ARHGEF10: variants seen among roughly 807,000 people sequenced by gnomAD.
ARHGEF10 encodes Rho guanine nucleotide exchange factor 10.
A neutral mutation model predicts 147.4 loss-of-function variants in ARHGEF10; 140 were observed. That is an observed-to-expected ratio of 0.95 (90% CI 0.83 to 1.09). ARHGEF10 has a LOEUF of 1.09. ARHGEF10 is among the 50% of genes least tolerant of loss of function. ARHGEF10 has a pLI of 0.00. For synonymous variants in ARHGEF10, 902 were observed against 695.8 expected (o/e 1.30, Z -4.67); for missense variants, 2,222 against 1,752.7 (o/e 1.27, Z -4.78).
At chr8:1,906,982 C>T (rs1810945038) in intron 17 of ARHGEF10, among the ~76,000 whole-genome samples, 1 of 152,216 alleles carries the variant, frequency 6.6e-6, no homozygotes, top group Non-Finnish European at 1.5e-5. Flanking sequence ...CATGGCTTGG[C>T]CTTCACTGTG....
intron 2 of ARHGEF10, among the ~76,000 whole-genome samples, chr8:1,855,136 A>G (rs76368008): frequency 0.019 from 2,952 of 152,228 alleles, 91 homozygotes; most frequent in East Asian, 0.095. Context: ...CCAACAGCTC[A>G]TGTTTCTCCC....
At chr8:1,947,369 C>T (rs1010569777) in intron 27 of ARHGEF10, among the ~76,000 whole-genome samples, 12 of 152,146 alleles carry the variant, frequency 7.9e-5, no homozygotes, top group African/African-American at 1.7e-4. Flanking sequence ...TTCAGAGTTC[C>T]GAGAGCAGCC....
intron 2 of ARHGEF10, among the ~76,000 whole-genome samples, chr8:1,847,769 C>T (rs1804671211): frequency 6.6e-6 from 1 of 152,158 alleles, no homozygotes; most frequent in African/African-American, 2.4e-5. Context: ...AACAATAGAG[C>T]TAAAACACAA....
At position 1,956,819 on chromosome 8, in the gene ARHGEF10, C is replaced by A. The variant is rs199800515; in HGVS notation, c.3591C>A (p.His1197Gln). 1 of 1,614,048 alleles carries A rather than the reference C, an allele frequency of 6.2e-7. No homozygotes were observed. Among genetic ancestry groups the A allele is most frequent in the South Asian group, 1.1e-5 (1 of 91,072 alleles). ...VKFIVLATAL[H>Q]EKDKDKSRDS... The stretch of plus-strand genomic sequence containing the variant: ...TCATCGTCCTGGCCACGGCTCTGCA[C>A]GAGAAAGACAAGGACAAATCCAGGG... The change falls in exon 29 of 29, where the codon CAC (histidine) becomes CAA (glutamine). Residue 1197 changes from histidine to glutamine, a missense_variant. His to Gln is a conservative substitution (Grantham distance 24). Transcript: ENST00000349830.
At chr8:1,848,907 A>G (rs912487965) in intron 2 of ARHGEF10, among the ~76,000 whole-genome samples, 3 of 152,048 alleles carry the variant, frequency 2.0e-5, no homozygotes, top group Non-Finnish European at 4.4e-5. Flanking sequence ...TTTTATATGT[A>G]TAGTTTATTT....
At chr8:1,929,631 T>C (rs1759150892) in intron 25 of ARHGEF10, among the ~76,000 whole-genome samples, 188 bp downstream of exon 25, 1 of 152,076 alleles carries the variant, frequency 6.6e-6, no homozygotes, top group Non-Finnish European at 1.5e-5. Context: ...TTGTTGAATA[T>C]ACAGACATCT....
chr8:1,942,858 G>T (rs78488608), intron 26 of ARHGEF10, among the ~76,000 whole-genome samples: 1 of 106,672 alleles, frequency 9.4e-6, no homozygotes, highest in Admixed American at 1.0e-4. Flanking sequence ...GTAGGATTTT[G>T]TTTATATGAA....
chr8:1,908,889 A>G (rs17064355), intron 17 of ARHGEF10, among the ~76,000 whole-genome samples: 5,304 of 152,330 alleles, frequency 0.035, 126 homozygotes, highest in African/African-American at 0.078. Flanking sequence ...CAGTGTAGCC[A>G]TAAAAGAATA....
chr8:1,857,298 A>G (rs1215807976), intron 2 of ARHGEF10, among the ~76,000 whole-genome samples: 1 of 152,226 alleles, frequency 6.6e-6, no homozygotes, highest in Non-Finnish European at 1.5e-5. Context: ...TTCTAAAAGT[A>G]AAGTGGATGA....
In ARHGEF10 at chr8:1,843,431, C is replaced by A; in HGVS notation, c.32C>A (p.Pro11His). ...CAGCGAGAGCCCCTGCCTCCCGCTC[C>A]TGCAGGTAACAGCACTCAGTAGGTG... is the stretch of plus-strand genomic sequence containing the variant. MDQREPLPPA[P>H]AENEMKYDTN... The change falls in exon 2 of 29, where the codon CCT becomes CAT. Residue 11 changes from proline to histidine, a missense_variant. Coordinates refer to ENST00000349830, the MANE Select transcript of ARHGEF10 (RefSeq NM_014629.4). 1 of 1,612,412 alleles carries A rather than the reference C, an allele frequency of 6.2e-7. No homozygotes were observed. The highest frequency in any genetic ancestry group is 2.2e-5 in the East Asian group (1 of 44,876).
rs1390428148 is a variant in ARHGEF10, at chr8:1,879,978, C to G, written c.844-70C>G. The G allele has an allele frequency of 2.6e-5, 28 of 1,081,316 alleles. 1 individual carries two copies. The highest frequency in any genetic ancestry group is 3.9e-5 in the Non-Finnish European group (27 of 693,802). The allele number at this position is 1,081,316 out of a possible 1,614,324, so 67.0% of individuals were successfully genotyped here. ...ACTGCAGACGCTGCCAGCATCCTCT[C>G]AATGTAAAATTGTCCCAAAGAACCA... On this transcript the variant is annotated intron_variant, in intron 8 of 28. Transcript: ENST00000349830.
At chr8:1,839,769 A>AAG (rs1803854682) in intron 1 of ARHGEF10, among the ~76,000 whole-genome samples, 26 of 98,780 alleles carry the variant, frequency 2.6e-4, no homozygotes, top group African/African-American at 8.8e-4. Context: ...TGGTGTGGGG[A>AAG]CTGTCTGGTG....
At chr8:1,918,448 C>T (rs1456836775) in intron 18 of ARHGEF10, among the ~76,000 whole-genome samples, 1 of 145,132 alleles carries the variant, frequency 6.9e-6, no homozygotes. Context: ...ATGATAGGTT[C>T]ACATTTGATG....
intron 7 of ARHGEF10, among the ~76,000 whole-genome samples, chr8:1,872,792 G>A (rs1308058486): frequency 6.6e-6 from 1 of 152,140 alleles, no homozygotes. Flanking sequence ...TATTCATTCC[G>A]CAAATATGTT....
chr8:1,905,354 T>A (rs1442375111), intron 16 of ARHGEF10, among the ~76,000 whole-genome samples: 6 of 152,130 alleles, frequency 3.9e-5, no homozygotes, highest in Admixed American at 3.9e-4. Flanking sequence ...CCGTTCCTGG[T>A]TAATGTAGTG....
At chr8:1,832,011 T>C (rs1398764790) in intron 1 of ARHGEF10, among the ~76,000 whole-genome samples, 2 of 152,204 alleles carry the variant, frequency 1.3e-5, no homozygotes, top group African/African-American at 4.8e-5. Flanking sequence ...CGCTGGGGAC[T>C]GGGTGTGGGG....
rs1204446081 is a variant in ARHGEF10, at chr8:1,894,496, T to C, written c.1364T>C (p.Leu455Pro). The C allele has an allele frequency of 1.2e-6, 2 of 1,614,220 alleles. No homozygotes were observed. The highest frequency in any genetic ancestry group is 1.7e-6 in the Non-Finnish European group (2 of 1,180,032). The change falls in exon 13 of 29, where the codon CTA becomes CCA. Residue 455 changes from leucine to proline, a missense_variant. Leu to Pro is a moderately conservative substitution (Grantham distance 98). Transcript: ENST00000349830. ...RVKEILQCHS[L>P]FQIALASRVS... ...AAAGAGATCCTGCAGTGCCACTCGC[T>C]ATTTCAGATCGCGCTGGCCAGCCGC...
At chr8:1,896,286 A>T (rs1181979265) in intron 13 of ARHGEF10, 47 bp from the exon 14 acceptor site, 2 of 1,296,032 alleles carry the variant, frequency 1.5e-6, no homozygotes, top group Admixed American at 3.4e-5. Flanking sequence ...TGGAAAAGGG[A>T]TATCTGGACT....
intron 25 of ARHGEF10, among the ~76,000 whole-genome samples, chr8:1,932,532 G>A (rs1306249347): frequency 6.6e-6 from 1 of 152,232 alleles, no homozygotes. Context: ...GTGCGTGCAT[G>A]TGTGTTGTGC....
Sources: gnomAD v4.1 joint callset for allele counts (sites outside exome capture counted in the v4.1 genomes callset) on GRCh38, gnomAD v4.1.1 for gene constraint, MANE v1.5 for transcripts, NCBI Gene and HGNC (gene_info 2026-07-23, HGNC 2026-07-21) for gene names.